The following WWTR1 variants were observed in gnomAD, a reference collection of about 807,000 sequenced individuals.
The protein encoded by WWTR1 is WW domain-containing transcription regulator protein 1.
A neutral mutation model predicts 40.1 loss-of-function variants in WWTR1; 13 were observed. The ratio of observed to expected loss-of-function variants is 0.32; its 90% CI spans 0.21 to 0.52. The LOEUF (loss-of-function observed/expected upper bound fraction) is 0.52. Ranked by LOEUF, WWTR1 falls within the 20% of genes least tolerant of loss-of-function variation. The pLI is 0.97. For synonymous variants in WWTR1, 230 were observed against 210.1 expected, an observed-to-expected ratio of 1.09 and a Z score of -0.82; for missense variants, 436 against 523.1, an observed-to-expected ratio of 0.83 and a Z score of 1.63.
At chr3:149,595,214 C>A (rs1334418461) in intron 2 of WWTR1, among the ~76,000 whole-genome samples, 1 of 151,944 alleles carries the variant, frequency 6.6e-6, no homozygotes, top group Non-Finnish European at 1.5e-5. Context: ...CTCACCTCGG[C>A]CTCCCAAAGT....
At chr3:149,635,542 A>G (rs550834962) in intron 2 of WWTR1, among the ~76,000 whole-genome samples, 46 of 151,902 alleles carry the variant, frequency 3.0e-4, no homozygotes, top group African/African-American at 1.1e-3. Context: ...AGAAGGAGAA[A>G]GAGAAGGAGA....
chr3:149,549,048 G>C (rs1361543273), intron 3 of WWTR1, among the ~76,000 whole-genome samples: 3 of 152,162 alleles, frequency 2.0e-5, no homozygotes, highest in African/African-American at 7.2e-5. Flanking sequence ...CATATGAACA[G>C]ATAATTAAAC....
At chr3:149,585,538 C>G (rs1325015849) in intron 2 of WWTR1, among the ~76,000 whole-genome samples, 1 of 145,138 alleles carries the variant, frequency 6.9e-6, no homozygotes, top group East Asian at 2.1e-4. Context: ...TCACATAGTT[C>G]CCCCACCAGC....
intron 2 of WWTR1, among the ~76,000 whole-genome samples, chr3:149,600,563 T>C (rs1282888377): frequency 6.6e-6 from 1 of 152,170 alleles, no homozygotes; most frequent in East Asian, 1.9e-4. Context: ...ATAATAAGCA[T>C]TAGTTGTACC....
chr3:149,529,773 G>A (rs946556518), intron 4 of WWTR1, among the ~76,000 whole-genome samples: 3 of 152,064 alleles, frequency 2.0e-5, no homozygotes, highest in Admixed American at 2.0e-4. Context: ...AGTCCCACCA[G>A]TCCCCATCCC....
At chr3:149,712,842 A>G (rs1355316035) in intron 5 of WWTR1, among the ~76,000 whole-genome samples, 1 of 152,220 alleles carries the variant, frequency 6.6e-6, no homozygotes, top group African/African-American at 2.4e-5. Context: ...GACAATATAA[A>G]TGATATCTCA....
chr3:149,540,581 CAG>C (rs1002218762), intron 4 of WWTR1, among the ~76,000 whole-genome samples: 3 of 152,134 alleles, frequency 2.0e-5, no homozygotes, highest in African/African-American at 4.8e-5. Context: ...CATTATAAAA[CAG>C]AAAAATTATT....
intron 2 of WWTR1, among the ~76,000 whole-genome samples, chr3:149,620,589 T>G (rs1345414357): frequency 6.9e-6 from 1 of 144,762 alleles, no homozygotes; most frequent in Non-Finnish European, 1.5e-5. Context: ...CACACTCATC[T>G]TCTTTGTAAA....
chr3:149,663,127 G>C (rs1481537331), intron 2 of WWTR1, among the ~76,000 whole-genome samples: 4 of 152,006 alleles, frequency 2.6e-5, no homozygotes, highest in African/African-American at 9.7e-5. Context: ...CCGCCTCCCG[G>C]GTTCAAGCGA....
intron 3 of WWTR1, among the ~76,000 whole-genome samples, chr3:149,563,422 T>C (rs1178128343): frequency 6.6e-6 from 1 of 152,164 alleles, no homozygotes; most frequent in Non-Finnish European, 1.5e-5. Flanking sequence ...AAACAATACA[T>C]TTCAAGAATC....
At position 149,525,831 on chromosome 3, in the gene WWTR1, G is replaced by A. The variant is rs80229826; in HGVS notation, c.1018+182C>T. 4.6e-3 allele frequency: 1,824 copies of A among 395,062 alleles called. 32 individuals are homozygous for A. The highest frequency in any genetic ancestry group is 0.035 in the African/African-American group (1,680 of 48,286). The allele number at this position is 395,062 out of a possible 1,614,324, so 24.5% of individuals were successfully genotyped here. Reference sequence around the variant, plus strand: ...TATGCTCACTACCTGGGTGACGAGAGCAATCGTATCCCAAACCCCGGCATC... The same window carrying A: ...TATGCTCACTACCTGGGTGACGAGAACAATCGTATCCCAAACCCCGGCATC... On this transcript the variant is annotated intron_variant, in intron 6 of 6. Coordinates refer to ENST00000360632, the MANE Select transcript of WWTR1 (RefSeq NM_015472.6).
intron 1 of WWTR1, among the ~76,000 whole-genome samples, chr3:149,680,138 C>T (rs892634141): frequency 2.0e-5 from 3 of 152,202 alleles, no homozygotes; most frequent in Admixed American, 1.3e-4. Flanking sequence ...GGGGGCACTA[C>T]TAATCATTAT....
At chr3:149,620,479 C>T (rs1740214890) in intron 2 of WWTR1, among the ~76,000 whole-genome samples, 1 of 151,980 alleles carries the variant, frequency 6.6e-6, no homozygotes, top group South Asian at 2.1e-4. Flanking sequence ...GTGGGCAGTG[C>T]CTTCAAACTT....
chr3:149,696,880 AACAGTTCCAGTC>A (rs1315190653), intron 1 of WWTR1, among the ~76,000 whole-genome samples: 1 of 152,170 alleles, frequency 6.6e-6, no homozygotes, highest in African/African-American at 2.4e-5. Context: ...ACACTCCCAC[AACAGTTCCAGTC>A]ACCCTGAAAG....
intron 2 of WWTR1, among the ~76,000 whole-genome samples, chr3:149,643,848 G>C (rs564882697): frequency 1.2e-4 from 19 of 152,062 alleles, no homozygotes; most frequent in South Asian, 4.2e-4. Flanking sequence ...CTTTCTTCTT[G>C]AAAGACTTTC....
At chr3:149,613,795 C>T (rs1739845553) in intron 2 of WWTR1, among the ~76,000 whole-genome samples, 1 of 152,162 alleles carries the variant, frequency 6.6e-6, no homozygotes, top group Non-Finnish European at 1.5e-5. Context: ...ACCTGCCTGC[C>T]TCCACCTTTC....
intron 1 of WWTR1, chr3:149,670,814 G>C (rs1714059940): frequency 6.6e-6 from 1 of 152,124 alleles, no homozygotes; most frequent in Non-Finnish European, 1.5e-5. Context: ...TGCTGCAACA[G>C]GACCAGCTAA....
At chr3:149,532,376 G>A (rs1315242896) in intron 4 of WWTR1, among the ~76,000 whole-genome samples, 2 of 152,220 alleles carry the variant, frequency 1.3e-5, no homozygotes, top group Non-Finnish European at 2.9e-5. Context: ...TCACCTTGGA[G>A]GGATTAAACC....
At chr3:149,647,360 G>A (rs900654440) in intron 2 of WWTR1, among the ~76,000 whole-genome samples, 1 of 151,972 alleles carries the variant, frequency 6.6e-6, no homozygotes, top group African/African-American at 2.4e-5. Flanking sequence ...TAGAAAATGC[G>A]TTCCTGAGAG....
Sources: allele counts gnomAD v4.1 joint callset (sites outside exome capture counted in the v4.1 genomes callset), GRCh38; gene constraint gnomAD v4.1.1; transcripts MANE v1.5; gene names NCBI Gene and HGNC (gene_info 2026-07-23, HGNC 2026-07-21).